Variants in NOP16 observed in about 807,000 individuals in gnomAD.
NOP16 encodes NOP16 nucleolar protein.
In NOP16, 14 loss-of-function variants were observed where a neutral mutation model predicts 22.7. That is an observed-to-expected ratio of 0.62 (90% confidence interval 0.41 to 0.97). The LOEUF (loss-of-function observed/expected upper bound fraction) is 0.97. NOP16 is among the 50% of genes least tolerant of loss of function. The probability of loss-of-function intolerance (pLI) is 0.00; values close to 1 mark genes in which losing one functional copy is unlikely to be tolerated. For missense variants in NOP16, 198 were observed against 235.9 expected (o/e 0.84, Z 1.05); for synonymous variants, 80 against 83.6 (o/e 0.96, Z 0.23).
chr5:176,385,530 C>CTG (rs1755774236), intron 3 of NOP16, among the ~76,000 whole-genome samples: 1 of 152,168 alleles, frequency 6.6e-6, no homozygotes, highest in Non-Finnish European at 1.5e-5. Context: ...TCCTATGACC[C>CTG]ACTCATCTAC....
At chr5:176,384,847 C>G (rs762598308) in intron 4 of NOP16, 2 of 476,112 alleles carry the variant, frequency 4.2e-6, no homozygotes, top group South Asian at 3.5e-5. Flanking sequence ...CATGACCCAT[C>G]ATAGCCAGCT....
chr5:176,388,509 G>T lies in NOP16; in HGVS notation c.31C>A (p.Gln11Lys), dbSNP rs1222357596. Residue 11 changes from glutamine (Q) to lysine (K), a missense_variant, in exon 1 of 5, where the codon CAG (glutamine) becomes AAG (lysine). Transcript: ENST00000614830. MPKAKGKTRR[Q>K]KFGYSVNRKR... ...CGGTTGACACTGTAACCAAACTTCT[G>T]CCTCCGGGTTTTGCCCTTGGCCTTG... 1 of 1,613,624 alleles carries T rather than the reference G, an allele frequency of 6.2e-7. No homozygotes were observed. Among genetic ancestry groups the T allele is most frequent in the Non-Finnish European group, 8.5e-7 (1 of 1,179,700 alleles).
chr5:176,387,102 G>A (rs965270734), intron 2 of NOP16, among the ~76,000 whole-genome samples, 193 bp from the exon 3 acceptor site: 3 of 147,424 alleles, frequency 2.0e-5, no homozygotes, highest in Non-Finnish European at 3.0e-5. Context: ...TTTTCTTTTT[G>A]AGACAGAGTC....
chr5:176,387,866 G>A (rs746921224), intron 2 of NOP16, among the ~76,000 whole-genome samples: 11 of 152,200 alleles, frequency 7.2e-5, no homozygotes, highest in South Asian at 2.1e-4. Flanking sequence ...GGAAGCCTCA[G>A]ACCAAGGATG....
chr5:176,384,377 A>AAGAT lies in NOP16; in HGVS notation c.394-4_394-3insATCT. 1.2e-6 allele frequency: 2 copies of AAGAT among 1,610,106 alleles called. No individual in the cohort carries two copies. Among genetic ancestry groups the AAGAT allele is most frequent in the Admixed American group, 1.7e-5 (1 of 59,774 alleles). The stretch of plus-strand genomic sequence containing the variant: ...TTCTTCTCATCACGGGCCATGGCCT[A>AAGAT]AGAGGAGAAGGGCTACTTTAAGGAG... On this transcript the variant is annotated splice_region_variant and splice_polypyrimidine_tract_variant and intron_variant, in intron 4 of 4. Coordinates refer to ENST00000614830, the MANE Select transcript of NOP16 (RefSeq NM_016391.8).
rs541645833 is a variant in NOP16 at position 176,385,163 on chromosome 5, A to G, written c.393+58T>C. On this transcript the variant is annotated intron_variant, in intron 4 of 4. Coordinates refer to ENST00000614830, the MANE Select transcript of NOP16 (RefSeq NM_016391.8). Reference sequence around the variant, plus strand: ...GAAACAGGTGCTGCGCAAGCAGATCAAGCCGCGAATGGTCCAGGGCGCCTT... The same window carrying G: ...GAAACAGGTGCTGCGCAAGCAGATCGAGCCGCGAATGGTCCAGGGCGCCTT... The G allele has an allele frequency of 3.2e-6, 3 of 940,906 alleles. No individual in the cohort carries two copies. The South Asian group carries it at 3.9e-5, about 12-fold the overall frequency. The allele number at this position is 940,906 out of a possible 1,614,324, so 58.3% of individuals were successfully genotyped here.
chr5:176,385,069 T>C (rs2113580055), intron 4 of NOP16, 152 bp downstream of exon 4: 1 of 660,226 alleles, frequency 1.5e-6, no homozygotes, highest in East Asian at 2.7e-5. Flanking sequence ...TCATTCAAGT[T>C]AGATCCCTGT....
chr5:176,384,209 G>A lies in NOP16; in HGVS notation c.*22C>T. 6.2e-7 allele frequency: 1 copy of A among 1,614,092 alleles called. No homozygotes were observed. Among genetic ancestry groups the A allele is most frequent in the Non-Finnish European group, 8.5e-7 (1 of 1,180,030 alleles). On this transcript the variant is annotated 3_prime_UTR_variant, in exon 5 of 5. Coordinates refer to ENST00000614830, the MANE Select transcript of NOP16 (RefSeq NM_016391.8). ...CTGGTCCGGGGGACGCCTCAGCCTG[G>A]GGCAGCTGTGATGTAAACCAGTCAC...
Position 176,384,199 on chromosome 5 carries a change from C to G in NOP16, c.*32G>C, listed in dbSNP as rs765565241. 2 of 1,614,150 alleles carry G rather than the reference C, an allele frequency of 1.2e-6. No individual in the cohort carries two copies. Among genetic ancestry groups the G allele is most frequent in the Admixed American group, 1.7e-5 (1 of 60,032 alleles). ...TCCAGCTTCACTGGTCCGGGGGACG[C>G]CTCAGCCTGGGGCAGCTGTGATGTA... On this transcript the variant is annotated 3_prime_UTR_variant, in exon 5 of 5. Transcript: ENST00000614830.
intron 4 of NOP16, chr5:176,384,781 C>G (rs2113578575): frequency 2.7e-6 from 1 of 369,862 alleles, no homozygotes; most frequent in Non-Finnish European, 4.8e-6. Context: ...AAAAAAAGAC[C>G]AGGAAGGCCT....
chr5:176,385,168 G>A (rs765163380), intron 4 of NOP16, 53 bp downstream of exon 4: 34 of 1,003,110 alleles, frequency 3.4e-5, no homozygotes, highest in Admixed American at 6.8e-5. Flanking sequence ...AGATCAAGCC[G>A]CGAATGGTCC....
chr5:176,386,561 C>G, intron 3 of NOP16: 1 of 493,914 alleles, frequency 2.0e-6, no homozygotes, highest in East Asian at 4.0e-5. Flanking sequence ...CATACCCATG[C>G]CAGAGATTTA....
In NOP16 at chr5:176,385,429, C is replaced by A. The variant is rs1245013549; in HGVS notation, c.287-102G>T. ...TTCACCCACTCCCAAGCCACAAGAC[C>A]CACCACACCAACCACCTGGGGGTCT... On this transcript the variant is annotated intron_variant, in intron 3 of 4. Coordinates refer to ENST00000614830, the MANE Select transcript of NOP16 (RefSeq NM_016391.8). 4 of 720,404 alleles carry A rather than the reference C, an allele frequency of 5.6e-6. No homozygotes were observed. In the Admixed American group the frequency reaches 8.4e-5, roughly 15 times the overall value. 44.6% of individuals were successfully genotyped at this position (720,404 alleles called of 1,614,324 possible).
chr5:176,384,890 C>T (rs970736598), intron 4 of NOP16: 7 of 524,936 alleles, frequency 1.3e-5, no homozygotes, highest in African/African-American at 9.5e-5. Flanking sequence ...CCAGTGTAGC[C>T]GGATCTTTCA....
intron 4 of NOP16, 62 bp from the exon 5 acceptor site, chr5:176,384,436 T>C (rs1400258329): frequency 2.0e-6 from 3 of 1,527,784 alleles, no homozygotes; most frequent in Non-Finnish European, 2.7e-6. Flanking sequence ...TCTGAACTCA[T>C]CCTGAATTAG....
intron 2 of NOP16, 60 bp downstream of exon 2, chr5:176,388,175 G>T (rs1337321151): frequency 7.8e-7 from 1 of 1,289,938 alleles, no homozygotes; most frequent in East Asian, 2.3e-5. Context: ...CTGACACCTA[G>T]GTCAGTATGG....
intron 3 of NOP16, 104 bp from the exon 4 acceptor site, chr5:176,385,431 A>C: frequency 1.4e-6 from 1 of 699,438 alleles, no homozygotes; most frequent in East Asian, 2.5e-5. Flanking sequence ...CACAAGACCC[A>C]CCACACCAAC....
rs759855604 is a variant in NOP16, at chr5:176,384,083, A to G, written c.*148T>C. The G allele has an allele frequency of 3.8e-6, 6 of 1,596,256 alleles. No individual in the cohort carries two copies. The African/African-American group carries it at 8.1e-5, about 21-fold the overall frequency. ...GAACAGTTCCTTCCCCAGAGCGGGG[A>G]GTGTGCACGTGTGTGTGTAACCTTC... On this transcript the variant is annotated 3_prime_UTR_variant, in exon 5 of 5. Transcript: ENST00000614830.
chr5:176,384,047 G>A lies in NOP16; in HGVS notation c.*184C>T. 2 of 1,548,746 alleles carry A rather than the reference G, an allele frequency of 1.3e-6. No individual in the cohort carries two copies. Among genetic ancestry groups the A allele is most frequent in the Non-Finnish European group, 1.7e-6 (2 of 1,152,502 alleles). On this transcript the variant is annotated 3_prime_UTR_variant, in exon 5 of 5. Transcript: ENST00000614830. The stretch of plus-strand genomic sequence containing the variant: ...GTGAACCCCCAGATGAATATAAATT[G>A]GAGCCTCTGAGAACAGTTCCTTCCC...
Sources: allele counts gnomAD v4.1 joint callset (sites outside exome capture counted in the v4.1 genomes callset), GRCh38; gene constraint gnomAD v4.1.1; transcripts MANE v1.5; gene names NCBI Gene and HGNC (gene_info 2026-07-23, HGNC 2026-07-21).